The following MECOM variants were observed in gnomAD, a reference collection of about 807,000 sequenced individuals.
The protein encoded by MECOM is histone-lysine N-methyltransferase MECOM.
Under a neutral mutation model 116.3 loss-of-function variants are expected in MECOM, and 13 were observed. That is an observed-to-expected ratio of 0.11 (90% CI 0.07 to 0.18). The LOEUF is 0.18. MECOM is among the 10% of genes least tolerant of loss of function. The pLI is 1.00. For synonymous variants in MECOM, 528 were observed against 535.2 expected, an observed-to-expected ratio of 0.99 and a Z score of 0.19; for missense variants, 1,299 against 1,509.0, an observed-to-expected ratio of 0.86 and a Z score of 2.31.
chr3:169,580,165 C>T (rs1033502163), intron 1 of MECOM, among the ~76,000 whole-genome samples: 1 of 152,140 alleles, frequency 6.6e-6, no homozygotes. Context: ...CAGAAATTGA[C>T]GAATGGACTT....
intron 2 of MECOM, among the ~76,000 whole-genome samples, chr3:169,264,701 C>CCGCTTCAAAT (rs1758042979): frequency 6.6e-6 from 1 of 152,206 alleles, no homozygotes; most frequent in Non-Finnish European, 1.5e-5. Context: ...AGACATATCT[C>CCGCTTCAAAT]CGCTTCAAAT....
chr3:169,606,622 A>C (rs76456582), intron 1 of MECOM, among the ~76,000 whole-genome samples: 2 of 152,040 alleles, frequency 1.3e-5, no homozygotes, highest in Non-Finnish European at 2.9e-5. Flanking sequence ...TTTTTTGTAT[A>C]ACAGTCCCAA....
intron 1 of MECOM, among the ~76,000 whole-genome samples, chr3:169,495,558 T>C (rs1230515183): frequency 1.3e-5 from 2 of 152,220 alleles, no homozygotes; most frequent in Non-Finnish European, 2.9e-5. Context: ...TTGAAACAAC[T>C]TTTAATTACA....
At chr3:169,243,499 G>A (rs34085257) in intron 2 of MECOM, among the ~76,000 whole-genome samples, 3 of 152,006 alleles carry the variant, frequency 2.0e-5, no homozygotes, top group African/African-American at 2.4e-5. Flanking sequence ...GCAGCTCTTA[G>A]GCATTTCAAT....
At chr3:169,648,354 A>G (rs763000267) in intron 1 of MECOM, among the ~76,000 whole-genome samples, 1 of 152,230 alleles carries the variant, frequency 6.6e-6, no homozygotes, top group African/African-American at 2.4e-5. Context: ...CCCTAGACAT[A>G]TAATGCTCTT....
At chr3:169,187,244 A>T (rs928573411) in intron 2 of MECOM, among the ~76,000 whole-genome samples, 10 of 152,100 alleles carry the variant, frequency 6.6e-5, no homozygotes, top group African/African-American at 9.7e-5. Context: ...CTTCCTGGCT[A>T]TGATCAACCT....
chr3:169,230,781 G>A (rs941165436), intron 2 of MECOM, among the ~76,000 whole-genome samples: 2 of 152,052 alleles, frequency 1.3e-5, no homozygotes, highest in African/African-American at 4.8e-5. Context: ...TCATTTTGAA[G>A]GTCAATCATT....
chr3:169,176,712 C>T (rs1233459099), intron 2 of MECOM, among the ~76,000 whole-genome samples: 1 of 151,790 alleles, frequency 6.6e-6, no homozygotes. Context: ...TTTTGCAATC[C>T]ACCCATCTAA....
chr3:169,659,127 A>G (rs905844859), intron 1 of MECOM, among the ~76,000 whole-genome samples: 2 of 151,358 alleles, frequency 1.3e-5, no homozygotes, highest in African/African-American at 4.8e-5. Flanking sequence ...AAATTCGTGG[A>G]ATGACATGTT....
chr3:169,436,794 TG>T (rs1742739548), intron 1 of MECOM, among the ~76,000 whole-genome samples: 1 of 152,160 alleles, frequency 6.6e-6, no homozygotes, highest in Admixed American at 6.5e-5. Flanking sequence ...AATATGACTC[TG>T]GATTAAGAAT....
chr3:169,208,274 C>A (rs1345988435), intron 2 of MECOM, among the ~76,000 whole-genome samples: 1 of 147,756 alleles, frequency 6.8e-6, no homozygotes, highest in South Asian at 2.1e-4. Flanking sequence ...TGTATATATA[C>A]ACAATGTTAT....
chr3:169,476,549 T>C (rs577835098), intron 1 of MECOM, among the ~76,000 whole-genome samples: 12 of 152,324 alleles, frequency 7.9e-5, no homozygotes, highest in African/African-American at 2.6e-4. Context: ...AGAAATTTAC[T>C]GTGTGAAATT....
chr3:169,618,015 T>C (rs889816332), intron 1 of MECOM, among the ~76,000 whole-genome samples: 2 of 152,170 alleles, frequency 1.3e-5, no homozygotes, highest in Non-Finnish European at 2.9e-5. Context: ...TCCTCCTTCA[T>C]AGCTCCCAGG....
At chr3:169,286,030 C>T (rs9857181) in intron 2 of MECOM, among the ~76,000 whole-genome samples, 5,825 of 152,246 alleles carry the variant, frequency 0.038, 263 homozygotes, top group African/African-American at 0.11. Context: ...CATGCATTCG[C>T]TGTGAAAATC....
chr3:169,095,711 A>G (rs1721233130), intron 12 of MECOM, among the ~76,000 whole-genome samples: 1 of 152,214 alleles, frequency 6.6e-6, no homozygotes, highest in African/African-American at 2.4e-5. Context: ...AATCCTAAAG[A>G]AAATTCCATT....
intron 1 of MECOM, among the ~76,000 whole-genome samples, chr3:169,467,735 G>T (rs1003901626): frequency 1.3e-5 from 2 of 152,168 alleles, no homozygotes. Context: ...CACTGAGGTT[G>T]TAAGTCTAGT....
intron 2 of MECOM, among the ~76,000 whole-genome samples, chr3:169,356,916 A>G (rs1577837834): frequency 6.6e-6 from 1 of 152,062 alleles, no homozygotes; most frequent in East Asian, 1.9e-4. Flanking sequence ...CAAATTATCT[A>G]TAATTCCCCA....
At chr3:169,412,344 T>G (rs1737694406) in intron 1 of MECOM, among the ~76,000 whole-genome samples, 1 of 149,154 alleles carries the variant, frequency 6.7e-6, no homozygotes, top group Non-Finnish European at 1.5e-5. Context: ...TAATTAAAAG[T>G]TTTTTTTAAA....
chr3:169,096,399 T>C (rs1228335046), intron 12 of MECOM, among the ~76,000 whole-genome samples: 4 of 151,728 alleles, frequency 2.6e-5, no homozygotes, highest in Admixed American at 6.6e-5. Flanking sequence ...GCCTCCCGAG[T>C]AGCTGGGGTT....
Sources: allele counts gnomAD v4.1 joint callset (sites outside exome capture counted in the v4.1 genomes callset), GRCh38; gene constraint gnomAD v4.1.1; transcripts MANE v1.5; gene names NCBI Gene and HGNC (gene_info 2026-07-23, HGNC 2026-07-21).